The following STRIP2 variants were observed in gnomAD, a reference collection of about 807,000 sequenced individuals.
The protein encoded by STRIP2 is striatin interacting protein 2, also known as striatin-interacting protein 2.
Under a neutral mutation model 107.1 loss-of-function variants are expected in STRIP2, and 84 were observed. The ratio of observed to expected loss-of-function variants is 0.78; its 90% CI spans 0.66 to 0.94. The LOEUF (loss-of-function observed/expected upper bound fraction) is 0.94, where lower values mean the gene tolerates loss of function less well. STRIP2 is among the 40% of genes least tolerant of loss of function. The pLI, the probability that STRIP2 is intolerant of heterozygous loss-of-function variation, is 0.00. For missense variants in STRIP2, 888 were observed against 1,034.2 expected (o/e 0.86, Z 1.94); for synonymous variants, 394 against 400.4 (o/e 0.98, Z 0.19).
chr7:129,458,837 G>A lies in STRIP2; in HGVS notation c.1340+60G>A. On this transcript the variant is annotated intron_variant, in intron 11 of 20. Coordinates refer to ENST00000249344, the MANE Select transcript of STRIP2 (RefSeq NM_020704.3). The surrounding 1 kb of genome is among the most constrained non-coding windows in gnomAD (Gnocchi z 4.6). ...TGGTTCCTAGGGGGCCAGAGGAGCA[G>A]GTAGCTTGGAATGAGGGATGGTGCC... 1 of 1,550,914 alleles carries A rather than the reference G, an allele frequency of 6.4e-7. No homozygotes were observed. Among genetic ancestry groups the A allele is most frequent in the Non-Finnish European group, 8.9e-7 (1 of 1,123,412 alleles).
At chr7:129,434,741 C>A in intron 1 of STRIP2, 140 bp downstream of exon 1, 2 of 1,080,328 alleles carry the variant, frequency 1.9e-6, no homozygotes, top group Non-Finnish European at 2.5e-6. Flanking sequence ...GGGGTCCTAG[C>A]GGCTGAACTC....
rs73477312 is a variant in STRIP2, at chr7:129,477,213, G to A, written c.1945-3572G>A. Among the ~76,000 whole-genome samples, 162 of 29,056 alleles carry A rather than the reference G, an allele frequency of 5.6e-3. 1 individual carries two copies. The highest frequency in any genetic ancestry group is 0.016 in the East Asian group (2 of 124). 19.1% of individuals were successfully genotyped at this position (29,056 alleles called of 152,430 possible). ...GGGAGAGGGAGGGGGAGGGGGAGGG[G>A]GAGGGAGACTGTGGGGAGAGGGAGA... On this transcript the variant is annotated intron_variant, in intron 18 of 20. Transcript: ENST00000249344.
intron 18 of STRIP2, 27 bp from the exon 19 acceptor site, chr7:129,480,758 G>C: frequency 6.3e-7 from 1 of 1,585,432 alleles, no homozygotes. Flanking sequence ...TAGGTATTAA[G>C]ATAATGATGG....
intron 18 of STRIP2, among the ~76,000 whole-genome samples, chr7:129,476,315 G>T (rs186977922): frequency 0.27 from 36,225 of 133,852 alleles, 5,760 homozygotes; most frequent in African/African-American, 0.37. Context: ...CGGCTGCCGG[G>T]CGGAGGGGCT....
intron 3 of STRIP2, among the ~76,000 whole-genome samples, chr7:129,444,814 T>G (rs560492145): frequency 6.6e-6 from 1 of 152,274 alleles, no homozygotes; most frequent in Non-Finnish European, 1.5e-5. Context: ...CAAATACTAT[T>G]ATATAAAGTT....
chr7:129,455,348 C>T lies in STRIP2; in HGVS notation c.811C>T (p.Leu271Phe). 2 of 1,613,708 alleles carry T rather than the reference C, an allele frequency of 1.2e-6. No individual in the cohort carries two copies. The highest frequency in any genetic ancestry group is 1.7e-6 in the Non-Finnish European group (2 of 1,179,810). ...APHFPIKKVLLLLWKVVMFTL... is the reference protein window; with the variant it reads ...APHFPIKKVLFLLWKVVMFTL... ...TCACTTCCCCATAAAGAAGGTCCTGCTCCTGCTCTGGAAGGTGGTCATGGT... is the reference window on the plus strand; with the variant it reads ...TCACTTCCCCATAAAGAAGGTCCTGTTCCTGCTCTGGAAGGTGGTCATGGT... The change falls in exon 8 of 21, where the codon CTC (leucine) becomes TTC (phenylalanine). Residue 271 changes from leucine to phenylalanine, a missense_variant. Physicochemically the swap from Leu to Phe is conservative, Grantham distance 22. Coordinates refer to ENST00000249344, the MANE Select transcript of STRIP2 (RefSeq NM_020704.3).
intron 3 of STRIP2, among the ~76,000 whole-genome samples, chr7:129,445,906 AG>A (rs1798021474): frequency 6.6e-6 from 1 of 152,150 alleles, no homozygotes; most frequent in African/African-American, 2.4e-5. Flanking sequence ...ATCTGGAGTA[AG>A]TGTCTATTCT....
At chr7:129,457,017 G>A (rs1293044470) in intron 9 of STRIP2, among the ~76,000 whole-genome samples, 2 of 152,252 alleles carry the variant, frequency 1.3e-5, no homozygotes, top group East Asian at 3.9e-4. Context: ...TCTGGGGTAA[G>A]GCATTTTACT....
chr7:129,482,359 A>C (rs530284174), intron 19 of STRIP2, among the ~76,000 whole-genome samples: 10,750 of 94,580 alleles, frequency 0.11, 581 homozygotes, highest in African/African-American at 0.14. Flanking sequence ...CTCTCTCTAT[A>C]TATATATATA....
At position 129,434,525 on chromosome 7, in the gene STRIP2, G is replaced by C; in HGVS notation, c.53G>C (p.Gly18Ala). The change falls in exon 1 of 21, where the codon GGC (glycine) becomes GCC (alanine). Residue 18 changes from glycine (G) to alanine (A), a missense_variant. Transcript: ENST00000249344. ...GTGGPPANGN[G>A]NGGGKGKQAA... ...GGGGGCCCGCCCGCAAATGGCAATG[G>C]CAACGGCGGCGGCAAAGGGAAGCAG... is the stretch of plus-strand genomic sequence containing the variant. 1 of 1,518,586 alleles carries C rather than the reference G, an allele frequency of 6.6e-7. No homozygotes were observed. The highest frequency in any genetic ancestry group is 8.8e-7 in the Non-Finnish European group (1 of 1,140,622). 94.1% of individuals were successfully genotyped at this position (1,518,586 alleles called of 1,614,324 possible).
At chr7:129,466,955 A>T (rs1798684630) in intron 16 of STRIP2, among the ~76,000 whole-genome samples, 1 of 152,232 alleles carries the variant, frequency 6.6e-6, no homozygotes. Flanking sequence ...AGTTGCCAAG[A>T]GTAAGCTGCA....
At chr7:129,440,692 A>G (rs1298425035) in intron 2 of STRIP2, among the ~76,000 whole-genome samples, 1 of 151,998 alleles carries the variant, frequency 6.6e-6, no homozygotes, top group African/African-American at 2.4e-5. Flanking sequence ...TTCTTCTTTC[A>G]GTGCTGGCCT....
chr7:129,469,751 A>C (rs929559216), intron 17 of STRIP2, among the ~76,000 whole-genome samples: 1 of 152,238 alleles, frequency 6.6e-6, no homozygotes, highest in African/African-American at 2.4e-5. Flanking sequence ...CTTGTATAGA[A>C]GTTTTGACTT....
At position 129,464,747 on chromosome 7, in the gene STRIP2, C is replaced by G. The variant is rs1562909625; in HGVS notation, c.1776+9C>G. 1 of 1,614,082 alleles carries G rather than the reference C, an allele frequency of 6.2e-7. No individual in the cohort carries two copies. Among genetic ancestry groups the G allele is most frequent in the Non-Finnish European group, 8.5e-7 (1 of 1,179,966 alleles). ...TCAACCATATCTACCAGGTGAGCAG[C>G]TAGGAGCACTTCTCCACAGGTCTTG... On this transcript the variant is annotated intron_variant, in intron 16 of 20. Transcript: ENST00000249344.
At chr7:129,450,448 A>G (rs1343826501) in intron 3 of STRIP2, among the ~76,000 whole-genome samples, 2 of 152,122 alleles carry the variant, frequency 1.3e-5, no homozygotes, top group African/African-American at 2.4e-5. Flanking sequence ...TCCCATCTTC[A>G]ACTTTGCCCT....
At chr7:129,481,162 A>G (rs549305083) in intron 19 of STRIP2, among the ~76,000 whole-genome samples, 13 of 152,308 alleles carry the variant, frequency 8.5e-5, no homozygotes, top group African/African-American at 2.9e-4. Context: ...TACATTCCCA[A>G]ATGATGCAAG....
At chr7:129,478,034 C>A in intron 18 of STRIP2, 2 of 411,738 alleles carry the variant, frequency 4.9e-6, no homozygotes, top group Admixed American at 2.9e-5. Flanking sequence ...CAGCGGGCAA[C>A]AGAAGAATAT....
At position 129,487,873 on chromosome 7, in the gene STRIP2, C is replaced by T. The variant is rs1219893415; in HGVS notation, c.*2044C>T. ...ATGTACGTGAATGCTTTTTGAGGCACAGAAGTATGCTAAGCTTTAACATTT... is the reference window on the plus strand; with the variant it reads ...ATGTACGTGAATGCTTTTTGAGGCATAGAAGTATGCTAAGCTTTAACATTT... On this transcript the variant is annotated 3_prime_UTR_variant, in exon 21 of 21. Coordinates refer to ENST00000249344, the MANE Select transcript of STRIP2 (RefSeq NM_020704.3). 1 of 152,210 alleles carries T rather than the reference C, an allele frequency of 6.6e-6. No individual in the cohort carries two copies. Among genetic ancestry groups the T allele is most frequent in the East Asian group, 1.9e-4 (1 of 5,206 alleles). The allele number at this position is 152,210 out of a possible 1,614,324, so 9.4% of individuals were successfully genotyped here.
At position 129,454,489 on chromosome 7, in the gene STRIP2, G is replaced by A. The variant is rs140414019; in HGVS notation, c.668G>A (p.Gly223Glu). The change falls in exon 7 of 21, where the codon GGG (glycine) becomes GAG (glutamate). Residue 223 changes from glycine to glutamate, a missense_variant. Transcript: ENST00000249344. The part of the protein sequence containing the change: ...IRLERETDPC[G>E]WRTARETFRT... ...CTGGAGCGAGAGACAGACCCCTGTG[G>A]GTGGAGAACAGCCCGGGAGACCTTC... The A allele has an allele frequency of 1.5e-3, 2,469 of 1,614,146 alleles. 3 individuals are homozygous for A. The highest frequency in any genetic ancestry group is 2.0e-3 in the Non-Finnish European group (2,379 of 1,179,992).
Sources: allele counts gnomAD v4.1 joint callset (sites outside exome capture counted in the v4.1 genomes callset), GRCh38; gene constraint gnomAD v4.1.1; non-coding constraint Gnocchi (gnomAD v3.1); transcripts MANE v1.5; gene names NCBI Gene and HGNC (gene_info 2026-07-23, HGNC 2026-07-21).